RERE: variants seen among roughly 807,000 people sequenced by gnomAD.
RERE encodes arginine-glutamic acid dipeptide repeats.
A neutral mutation model predicts 146.1 loss-of-function variants in RERE; 40 were observed. The ratio of observed to expected loss-of-function variants is 0.27; its 90% CI spans 0.21 to 0.36. The LOEUF is 0.36. Ranked by LOEUF, RERE falls within the 10% of genes least tolerant of loss-of-function variation. The pLI is 1.00. For missense variants in RERE, 1,933 were observed against 2,138.7 expected, an observed-to-expected ratio of 0.90 and a Z score of 1.90; for synonymous variants, 1,003 against 866.0, an observed-to-expected ratio of 1.16 and a Z score of -2.78.
chr1:8,766,703 GTTAC>G (rs1376539587), intron 1 of RERE, among the ~76,000 whole-genome samples: 9 of 152,048 alleles, frequency 5.9e-5, no homozygotes, highest in Admixed American at 1.3e-4. Context: ...ACAGCCCAGG[GTTAC>G]TTACTTAGAA....
intron 1 of RERE, among the ~76,000 whole-genome samples, chr1:8,693,096 A>G (rs569783500): frequency 6.6e-6 from 1 of 152,342 alleles, no homozygotes; most frequent in Non-Finnish European, 1.5e-5. Context: ...ACAACACCAA[A>G]TGGTAGCAAG....
intron 1 of RERE, among the ~76,000 whole-genome samples, chr1:8,812,720 C>T (rs954153131): frequency 4.6e-5 from 7 of 152,128 alleles, no homozygotes; most frequent in African/African-American, 9.7e-5. Context: ...ATTAACTGTA[C>T]TCTCTGACCT....
At chr1:8,533,248 G>A (rs896599614) in intron 7 of RERE, among the ~76,000 whole-genome samples, 5 of 152,214 alleles carry the variant, frequency 3.3e-5, no homozygotes, top group Non-Finnish European at 5.9e-5. Context: ...ATGACTGTGA[G>A]GTCCTAGTCT....
intron 12 of RERE, among the ~76,000 whole-genome samples, chr1:8,383,124 T>TA (rs1246123987): frequency 6.6e-6 from 1 of 151,942 alleles, no homozygotes; most frequent in Non-Finnish European, 1.5e-5. Flanking sequence ...AAGAGAATGT[T>TA]AGAGATGGTG....
chr1:8,428,125 A>C (rs554410095), intron 11 of RERE, among the ~76,000 whole-genome samples: 1 of 152,308 alleles, frequency 6.6e-6, no homozygotes, highest in Admixed American at 6.5e-5. Flanking sequence ...CAGTGTATAG[A>C]TATTAGAATA....
At position 8,560,711 on chromosome 1, in the gene RERE, T is replaced by C. The variant is rs1009197243; in HGVS notation, c.523-3188A>G. 6.2e-4 allele frequency among the ~76,000 whole-genome samples: 94 copies of C among 152,212 alleles called. 1 individual carries two copies. The highest frequency in any genetic ancestry group is 1.1e-3 in the Non-Finnish European group (77 of 68,044). ...GAATATTGTTTCCTCTATTGGTAGG[T>C]GATTGTAACCAATAGTTCACAGAAA... On this transcript the variant is annotated intron_variant, in intron 4 of 22. Transcript: ENST00000400908.
chr1:8,373,955 A>G (rs549828531), intron 12 of RERE, among the ~76,000 whole-genome samples: 1 of 152,290 alleles, frequency 6.6e-6, no homozygotes, highest in Non-Finnish European at 1.5e-5. Context: ...AACCAACCGA[A>G]TCCTCTAATC....
chr1:8,427,862 C>T (rs527478233), intron 11 of RERE, among the ~76,000 whole-genome samples: 1 of 152,312 alleles, frequency 6.6e-6, no homozygotes, highest in African/African-American at 2.4e-5. Context: ...AAAGAGACTT[C>T]TGTTGCGGCT....
chr1:8,542,461 T>C (rs1219674900), intron 6 of RERE, among the ~76,000 whole-genome samples: 1 of 152,072 alleles, frequency 6.6e-6, no homozygotes, highest in Admixed American at 6.6e-5. Flanking sequence ...GGTTCATTCA[T>C]TCACTTCCTA....
chr1:8,568,323 G>A (rs1646176856), intron 4 of RERE, among the ~76,000 whole-genome samples: 1 of 152,152 alleles, frequency 6.6e-6, no homozygotes, highest in African/African-American at 2.4e-5. Flanking sequence ...TGGTTCTGAG[G>A]CTTTTGAACT....
chr1:8,362,994 T>C, intron 15 of RERE, 150 bp from the exon 16 acceptor site: 1 of 795,298 alleles, frequency 1.3e-6, no homozygotes, highest in Non-Finnish European at 2.0e-6. Flanking sequence ...CCGCCCTGCC[T>C]GTCCCTGGCT....
intron 1 of RERE, among the ~76,000 whole-genome samples, chr1:8,668,001 T>C (rs1348017921): frequency 2.6e-5 from 4 of 152,218 alleles, no homozygotes; most frequent in Non-Finnish European, 5.9e-5. Flanking sequence ...CAGTGAGAAC[T>C]ACAAAAATAT....
At chr1:8,689,477 G>A (rs140693152) in intron 1 of RERE, among the ~76,000 whole-genome samples, 146 of 152,214 alleles carry the variant, frequency 9.6e-4, no homozygotes, top group Non-Finnish European at 1.7e-3. Context: ...AATATCACAA[G>A]TACTAATTCA....
At chr1:8,796,128 A>T (rs1216895218) in intron 1 of RERE, among the ~76,000 whole-genome samples, 1 of 151,948 alleles carries the variant, frequency 6.6e-6, no homozygotes, top group Admixed American at 6.6e-5. Flanking sequence ...TATAAATAGT[A>T]TTCTGCCATA....
intron 1 of RERE, among the ~76,000 whole-genome samples, chr1:8,726,039 C>T (rs1639956633): frequency 2.0e-5 from 3 of 151,354 alleles, no homozygotes; most frequent in Admixed American, 6.6e-5. Context: ...GACATATTAG[C>T]TATAAAGATA....
intron 7 of RERE, among the ~76,000 whole-genome samples, chr1:8,537,689 C>T (rs1194114584): frequency 6.6e-6 from 1 of 152,056 alleles, no homozygotes; most frequent in Non-Finnish European, 1.5e-5. Context: ...ATGCCAATTA[C>T]CAAGAAATCC....
intron 1 of RERE, among the ~76,000 whole-genome samples, chr1:8,705,410 TCTC>T (rs746892514): frequency 6.6e-6 from 1 of 152,078 alleles, no homozygotes; most frequent in Non-Finnish European, 1.5e-5. Flanking sequence ...GCAGGAATAA[TCTC>T]CTTGCAGCCC....
intron 4 of RERE, among the ~76,000 whole-genome samples, chr1:8,607,530 A>ATTT (rs1646732347): frequency 1.7e-5 from 1 of 57,578 alleles, no homozygotes; most frequent in African/African-American, 6.8e-5. Flanking sequence ...TTTTATATAT[A>ATTT]TTTCTTTTTT....
In RERE at chr1:8,358,620, C is replaced by G. The variant is rs558260429; in HGVS notation, c.3915G>C (p.Arg1305=). 1.3e-6 allele frequency: 2 copies of G among 1,591,426 alleles called. No homozygotes were observed. The highest frequency in any genetic ancestry group is 1.7e-6 in the Non-Finnish European group (2 of 1,169,814). The change falls in exon 20 of 23, where the codon CGG becomes CGC. Residue 1305 remains arginine, a synonymous_variant. Coordinates refer to ENST00000400908, the MANE Select transcript of RERE (RefSeq NM_001042681.2). ...VDPTIREREL[R]EREIREREIR... ...TCTCCCGCTCTCGGATCTCCCGCTC[C>G]CGGAGCTCCCGCTCGCGGATGGTGG...
Sources: gnomAD v4.1 joint callset for allele counts (sites outside exome capture counted in the v4.1 genomes callset) on GRCh38, gnomAD v4.1.1 for gene constraint, MANE v1.5 for transcripts, NCBI Gene and HGNC (gene_info 2026-07-23, HGNC 2026-07-21) for gene names.